Variants in MACROD2 observed in about 807,000 individuals in gnomAD.
The protein encoded by MACROD2 is ADP-ribose glycohydrolase MACROD2.
MACROD2 carries 36 observed loss-of-function variants against 70.4 expected under a neutral mutation model. The ratio of observed to expected loss-of-function variants is 0.51; its 90% confidence interval spans 0.39 to 0.68. MACROD2 has a LOEUF of 0.68. MACROD2 is among the 30% of genes least tolerant of loss of function. The pLI, the probability that MACROD2 is intolerant of heterozygous loss-of-function variation, is 0.00. For synonymous variants in MACROD2, 172 were observed against 178.8 expected (o/e 0.96, Z 0.30); for missense variants, 496 against 538.4 (o/e 0.92, Z 0.78).
intron 6 of MACROD2, among the ~76,000 whole-genome samples, chr20:15,293,949 C>A (rs1461821835): frequency 1.3e-5 from 2 of 151,886 alleles, no homozygotes; most frequent in Non-Finnish European, 2.9e-5. Flanking sequence ...GAAACTCCAT[C>A]TCAAATAAAA....
chr20:14,350,347 C>T (rs2083111104), intron 3 of MACROD2, among the ~76,000 whole-genome samples: 1 of 152,064 alleles, frequency 6.6e-6, no homozygotes. Context: ...TTCCCACCAA[C>T]AGTGTATGAT....
chr20:15,453,989 G>A (rs925403969), intron 7 of MACROD2, among the ~76,000 whole-genome samples: 18 of 152,056 alleles, frequency 1.2e-4, no homozygotes, highest in Admixed American at 2.6e-4. Context: ...TGTCTCCCAC[G>A]CAATCCGAGC....
intron 4 of MACROD2, among the ~76,000 whole-genome samples, chr20:14,620,528 A>G (rs1357157246): frequency 6.6e-6 from 1 of 152,126 alleles, no homozygotes; most frequent in African/African-American, 2.4e-5. Flanking sequence ...TATCTCCTCA[A>G]ATTTAATGAG....
chr20:15,125,585 A>G (rs112884412), intron 5 of MACROD2, among the ~76,000 whole-genome samples: 26 of 152,196 alleles, frequency 1.7e-4, no homozygotes, highest in African/African-American at 6.0e-4. Flanking sequence ...GTTTTATTTT[A>G]TGTATTTGAT....
chr20:14,081,738 G>A (rs1252594560), intron 2 of MACROD2, among the ~76,000 whole-genome samples: 1 of 152,182 alleles, frequency 6.6e-6, no homozygotes, highest in Non-Finnish European at 1.5e-5. Context: ...AGAATAGTTG[G>A]TGGTCAAAAA....
intron 10 of MACROD2, among the ~76,000 whole-genome samples, chr20:15,896,966 G>T (rs2064982614): frequency 6.6e-6 from 1 of 152,194 alleles, no homozygotes; most frequent in Non-Finnish European, 1.5e-5. Context: ...ATTAGTACCA[G>T]TTGCATTAAT....
At chr20:15,044,350 T>C (rs776841843) in intron 5 of MACROD2, among the ~76,000 whole-genome samples, 1 of 152,218 alleles carries the variant, frequency 6.6e-6, no homozygotes, top group Non-Finnish European at 1.5e-5. Context: ...ACTGAATATA[T>C]ATTTGTTATA....
intron 15 of MACROD2, among the ~76,000 whole-genome samples, chr20:15,995,733 A>G (rs1196865846): frequency 1.4e-5 from 2 of 143,120 alleles, no homozygotes; most frequent in Non-Finnish European, 3.0e-5. Context: ...TATTTCACTC[A>G]GCATAATGCC....
At chr20:15,570,994 T>C (rs895480922) in intron 8 of MACROD2, among the ~76,000 whole-genome samples, 1 of 152,196 alleles carries the variant, frequency 6.6e-6, no homozygotes, top group African/African-American at 2.4e-5. Context: ...TTAACCTTAG[T>C]ATGTTTTTCT....
At chr20:15,202,557 T>C (rs1297034274) in intron 5 of MACROD2, among the ~76,000 whole-genome samples, 1 of 152,208 alleles carries the variant, frequency 6.6e-6, no homozygotes, top group Non-Finnish European at 1.5e-5. Context: ...TAAGTTCATC[T>C]ATTTTTTAAA....
chr20:15,210,280 G>C (rs1337728638), intron 5 of MACROD2, among the ~76,000 whole-genome samples: 1 of 152,174 alleles, frequency 6.6e-6, no homozygotes, highest in East Asian at 1.9e-4. Flanking sequence ...AGTCACAGAG[G>C]ATTTGTCCAG....
At chr20:15,555,387 G>A (rs2048152918) in intron 8 of MACROD2, among the ~76,000 whole-genome samples, 1 of 152,070 alleles carries the variant, frequency 6.6e-6, no homozygotes, top group African/African-American at 2.4e-5. Context: ...CTTGCAACTA[G>A]TTTACGGTTT....
At chr20:14,109,391 A>T (rs1230705850) in intron 3 of MACROD2, among the ~76,000 whole-genome samples, 1 of 151,922 alleles carries the variant, frequency 6.6e-6, no homozygotes, top group African/African-American at 2.4e-5. Context: ...TAGAAGAAAG[A>T]AATAATAAAG....
At chr20:15,417,482 C>A (rs2046168854) in intron 6 of MACROD2, among the ~76,000 whole-genome samples, 1 of 150,792 alleles carries the variant, frequency 6.6e-6, no homozygotes, top group Admixed American at 6.6e-5. Context: ...CCTGTAGTTC[C>A]CAACTACTGG....
chr20:14,202,112 A>G (rs1212333020), intron 3 of MACROD2, among the ~76,000 whole-genome samples: 4 of 152,132 alleles, frequency 2.6e-5, no homozygotes, highest in Non-Finnish European at 4.4e-5. Context: ...TCATTTTACT[A>G]CTAATTATTT....
intron 2 of MACROD2, among the ~76,000 whole-genome samples, chr20:14,067,567 G>T (rs949657864): frequency 2.0e-5 from 3 of 152,172 alleles, no homozygotes; most frequent in African/African-American, 7.2e-5. Context: ...ATTACTTGAA[G>T]AATTAGGTTG....
chr20:14,723,738 A>T lies in MACROD2; in HGVS notation c.418+38779A>T, dbSNP rs1254953158. 2.0e-5 allele frequency among the ~76,000 whole-genome samples: 3 copies of T among 151,742 alleles called. No individual in the cohort carries two copies. In the East Asian group the frequency reaches 5.8e-4, roughly 29 times the overall value. ...TTGGTGCTATTCGGCTTTTCACAAA[A>T]ATTATGTATCTGGTCATATCCCTTG... On this transcript the variant is annotated intron_variant, in intron 5 of 17. Coordinates refer to ENST00000684519, the MANE Select transcript of MACROD2 (RefSeq NM_001351661.2).
At chr20:15,278,496 C>T (rs932263856) in intron 6 of MACROD2, among the ~76,000 whole-genome samples, 1 of 152,306 alleles carries the variant, frequency 6.6e-6, no homozygotes, top group East Asian at 1.9e-4. Context: ...AGCCCTGAGT[C>T]GTTGGGAAGT....
intron 2 of MACROD2, among the ~76,000 whole-genome samples, chr20:14,067,645 T>G (rs965930893): frequency 6.6e-6 from 1 of 152,192 alleles, no homozygotes; most frequent in African/African-American, 2.4e-5. Context: ...ACTAAATTGT[T>G]TTTTAGCAGA....
Sources: gnomAD v4.1 joint callset for allele counts (sites outside exome capture counted in the v4.1 genomes callset) on GRCh38, gnomAD v4.1.1 for gene constraint, MANE v1.5 for transcripts, NCBI Gene and HGNC (gene_info 2026-07-23, HGNC 2026-07-21) for gene names.